Variants in CRHBP observed in about 807,000 individuals in gnomAD.
CRHBP encodes corticotropin releasing hormone binding protein.
A neutral mutation model predicts 34.9 loss-of-function variants in CRHBP; 19 were observed. The ratio of observed to expected loss-of-function variants is 0.55; its 90% CI spans 0.38 to 0.80. CRHBP has a LOEUF of 0.80. CRHBP is among the 30% of genes least tolerant of loss of function. The pLI is 0.00. For synonymous variants in CRHBP, 154 were observed against 153.4 expected, an observed-to-expected ratio of 1.00 and a Z score of -0.03; for missense variants, 328 against 409.2, an observed-to-expected ratio of 0.80 and a Z score of 1.71.
At chr5:76,968,224 A>C (rs1417582239) in intron 6 of CRHBP, among the ~76,000 whole-genome samples, 1 of 140,460 alleles carries the variant, frequency 7.1e-6, no homozygotes, top group East Asian at 2.0e-4. Flanking sequence ...TTTTTGGTCT[A>C]CATAAATGTC....
intron 1 of CRHBP, 162 bp from the exon 2 acceptor site, chr5:76,953,439 T>C (rs1745604216): frequency 3.3e-6 from 3 of 897,940 alleles, no homozygotes; most frequent in African/African-American, 1.7e-5. Flanking sequence ...CCTGGCCTGA[T>C]GGAGAGGGTC....
Position 76,969,176 on chromosome 5 carries a change from A to G in CRHBP, c.*291A>G, listed in dbSNP as rs149630028. 1,802 of 268,588 alleles carry G rather than the reference A, an allele frequency of 6.7e-3. 9 individuals are homozygous for G. Among genetic ancestry groups the G allele is most frequent in the Non-Finnish European group, 9.4e-3 (1,345 of 143,418 alleles). The allele number at this position is 268,588 out of a possible 1,614,324, so 16.6% of individuals were successfully genotyped here. A position where few individuals can be genotyped will look rare whatever the true frequency, so the allele number is the denominator to read the frequency against. On this transcript the variant is annotated 3_prime_UTR_variant, in exon 7 of 7. Coordinates refer to ENST00000274368, the MANE Select transcript of CRHBP (RefSeq NM_001882.4). ...ATTCTTTGATGTGCTACAAACCTGA[A>G]ACTGGTAAGACAAGCACAAAGCAAC...
intron 6 of CRHBP, among the ~76,000 whole-genome samples, chr5:76,968,214 T>G (rs937089434): frequency 2.4e-4 from 37 of 151,442 alleles, no homozygotes; most frequent in Admixed American, 1.1e-3. Context: ...GTTTTTTTTT[T>G]TTTTGGTCTA....
At chr5:76,954,228 C>A (rs980358034) in intron 3 of CRHBP, 42 bp downstream of exon 3, 1 of 1,597,336 alleles carries the variant, frequency 6.3e-7, no homozygotes, top group African/African-American at 1.3e-5. Flanking sequence ...GAGGGCGGCA[C>A]GGGAGGGTTG....
downstream of CRHBP, among the ~76,000 whole-genome samples, chr5:76,970,447 T>C (rs1745928500): frequency 6.6e-6 from 1 of 152,088 alleles, no homozygotes; most frequent in Non-Finnish European, 1.5e-5. Flanking sequence ...GTGTTTCAAA[T>C]ACCTAGGATT....
chr5:76,955,279 A>G (rs964197699), intron 3 of CRHBP, among the ~76,000 whole-genome samples: 1 of 152,244 alleles, frequency 6.6e-6, no homozygotes, highest in Admixed American at 6.5e-5. Flanking sequence ...GAGGAAAGAG[A>G]GAAGCTGCAC....
intron 3 of CRHBP, among the ~76,000 whole-genome samples, chr5:76,954,816 CATAAGT>C (rs1225604260): frequency 1.3e-5 from 2 of 152,188 alleles, no homozygotes; most frequent in Non-Finnish European, 2.9e-5. Flanking sequence ...CGTCAGACTC[CATAAGT>C]ATAACAGGGC....
Position 76,963,924 on chromosome 5 carries a change from A to C in CRHBP, c.811+464A>C, listed in dbSNP as rs1745821548. 2.6e-5 allele frequency among the ~76,000 whole-genome samples: 4 copies of C among 152,224 alleles called. No homozygotes were observed. The South Asian group carries it at 6.2e-4, about 24-fold the overall frequency. On this transcript the variant is annotated intron_variant, in intron 6 of 6. Coordinates refer to ENST00000274368, the MANE Select transcript of CRHBP (RefSeq NM_001882.4). ...CAACAAAGTGATAAGCTTTATTAGAAATTCTTAGAACTGCTAAGTCTATAA... is the reference window on the plus strand; with the variant it reads ...CAACAAAGTGATAAGCTTTATTAGACATTCTTAGAACTGCTAAGTCTATAA...
intron 5 of CRHBP, among the ~76,000 whole-genome samples, chr5:76,961,706 A>G (rs1745777573): frequency 1.3e-5 from 2 of 152,224 alleles, no homozygotes; most frequent in South Asian, 4.2e-4. Context: ...TTTGCTGTTT[A>G]GTTCCAGTTG....
intron 5 of CRHBP, chr5:76,963,088 G>T: frequency 2.5e-6 from 1 of 393,340 alleles, no homozygotes; most frequent in Non-Finnish European, 4.6e-6. Context: ...CAGTCCTTGA[G>T]CTTAAAAAAA....
chr5:76,953,888 A>AACCCAGCGCAGCCTAGGC, intron 2 of CRHBP, 141 bp from the exon 3 acceptor site: 1 of 1,211,752 alleles, frequency 8.3e-7, no homozygotes, highest in Non-Finnish European at 1.1e-6. Context: ...GGGGCGCAGG[A>AACCCAGCGCAGCCTAGGC]ACCCAGCGCA....
chr5:76,964,654 A>G (rs912710082), intron 6 of CRHBP, among the ~76,000 whole-genome samples: 59 of 152,178 alleles, frequency 3.9e-4, no homozygotes, highest in African/African-American at 1.4e-3. Context: ...GGAGTTCGAG[A>G]CCAGCGTGGC....
In CRHBP at chr5:76,968,999, C is replaced by G. The variant is rs570610944; in HGVS notation, c.*114C>G. The G allele has an allele frequency of 3.4e-5, 43 of 1,252,928 alleles. No homozygotes were observed. The African/African-American group carries it at 4.8e-4, about 14-fold the overall frequency. The allele number at this position is 1,252,928 out of a possible 1,614,324, so 77.6% of individuals were successfully genotyped here. A position where few individuals can be genotyped will look rare whatever the true frequency, so the allele number is the denominator to read the frequency against. ...CTTTCATACCAGTCAGTATTCCCAG[C>G]CTTGAGCGCACGCGCGCACACACAC... is the stretch of plus-strand genomic sequence containing the variant. On this transcript the variant is annotated 3_prime_UTR_variant, in exon 7 of 7. Transcript: ENST00000274368.
At chr5:76,958,953 T>G in intron 5 of CRHBP, 64 bp downstream of exon 5, 1 of 1,548,706 alleles carries the variant, frequency 6.5e-7, no homozygotes, top group Non-Finnish European at 8.8e-7. Flanking sequence ...GCAGAAGCAA[T>G]CATATAGGGA....
intron 1 of CRHBP, 166 bp downstream of exon 1, chr5:76,953,381 T>A: frequency 2.4e-6 from 2 of 827,670 alleles, no homozygotes; most frequent in Non-Finnish European, 4.0e-6. Context: ...TCCTTGCCTC[T>A]GAGCATCCCA....
intron 6 of CRHBP, among the ~76,000 whole-genome samples, chr5:76,967,625 T>C (rs2150709277): frequency 6.6e-6 from 1 of 152,022 alleles, no homozygotes; most frequent in East Asian, 1.9e-4. Flanking sequence ...ATAAAAGTAA[T>C]ATGAGTTTCA....
chr5:76,977,944 A>T (rs985165075), intron 3 of CRHBP, among the ~76,000 whole-genome samples: 1 of 152,226 alleles, frequency 6.6e-6, no homozygotes, highest in South Asian at 2.1e-4. Context: ...AAACAGCCTT[A>T]TTGCTGATGT....
chr5:76,960,344 G>C (rs1423766795), intron 5 of CRHBP, among the ~76,000 whole-genome samples: 4 of 152,198 alleles, frequency 2.6e-5, no homozygotes, highest in African/African-American at 7.2e-5. Flanking sequence ...CTGGATTCCA[G>C]ACATGGAAAG....
intron 6 of CRHBP, among the ~76,000 whole-genome samples, chr5:76,965,530 A>G (rs1745848275): frequency 6.6e-6 from 1 of 152,230 alleles, no homozygotes; most frequent in Non-Finnish European, 1.5e-5. Flanking sequence ...AAGTACTTCC[A>G]TGCTCATGAT....
Sources: allele counts gnomAD v4.1 joint callset (sites outside exome capture counted in the v4.1 genomes callset), GRCh38; gene constraint gnomAD v4.1.1; transcripts MANE v1.5; gene names NCBI Gene and HGNC (gene_info 2026-07-23, HGNC 2026-07-21).